BNIP2: variants seen among roughly 807,000 people sequenced by gnomAD.
BNIP2 encodes the protein BCL2/adenovirus E1B 19 kDa protein-interacting protein 2.
A neutral mutation model predicts 43.4 loss-of-function variants in BNIP2; 36 were observed. The ratio of observed to expected loss-of-function variants is 0.83; its 90% CI spans 0.64 to 1.10. BNIP2 has a LOEUF of 1.10. Ranked by LOEUF, BNIP2 falls within the 50% of genes least tolerant of loss-of-function variation. The pLI, the probability that BNIP2 is intolerant of heterozygous loss-of-function variation, is 0.00. For missense variants in BNIP2, 417 were observed against 374.1 expected (o/e 1.11, Z -0.95); for synonymous variants, 146 against 121.0 (o/e 1.21, Z -1.35).
intron 9 of BNIP2, 85 bp downstream of exon 9, chr15:59,668,807 T>G: frequency 8.5e-7 from 1 of 1,180,380 alleles, no homozygotes; most frequent in South Asian, 1.4e-5. Context: ...ATATAATACA[T>G]AAAGAATGAG....
Position 59,669,256 on chromosome 15 carries a change from C to T in BNIP2, c.794+20G>A. 1 of 1,488,698 alleles carries T rather than the reference C, an allele frequency of 6.7e-7. No homozygotes were observed. The highest frequency in any genetic ancestry group is 9.0e-7 in the Non-Finnish European group (1 of 1,105,348). 92.2% of individuals were successfully genotyped at this position (1,488,698 alleles called of 1,614,324 possible). On this transcript the variant is annotated intron_variant, in intron 8 of 9. Transcript: ENST00000607373. ...TAAATAAAAAAAATAAAATTAAAGT[C>T]AATGGCTCTCAAAAATTACCTAATA...
chr15:59,668,575 G>A (rs1892701445), intron 9 of BNIP2, among the ~76,000 whole-genome samples: 1 of 152,150 alleles, frequency 6.6e-6, no homozygotes, highest in African/African-American at 2.4e-5. Flanking sequence ...TTCAAGTTTG[G>A]AGAATGCTCT....
chr15:59,675,936 G>C (rs1482346085), intron 5 of BNIP2, among the ~76,000 whole-genome samples: 2 of 152,210 alleles, frequency 1.3e-5, no homozygotes, highest in Admixed American at 6.5e-5. Context: ...AGATATGACA[G>C]TGGCTACCGA....
rs1034903575 is a variant in BNIP2 at position 59,664,033 on chromosome 15, C to A, written c.*36G>T. ...TGCAGAAACAGCACTGCTCCATCAGCACATTCTTCAGTCTTGTTTGGACTA... is the reference window on the plus strand; with the variant it reads ...TGCAGAAACAGCACTGCTCCATCAGAACATTCTTCAGTCTTGTTTGGACTA... On this transcript the variant is annotated 3_prime_UTR_variant, in exon 10 of 10. Transcript: ENST00000607373. 1.3e-6 allele frequency: 2 copies of A among 1,487,394 alleles called. No homozygotes were observed. The highest frequency in any genetic ancestry group is 2.8e-5 in the African/African-American group (2 of 70,780). 92.1% of individuals were successfully genotyped at this position (1,487,394 alleles called of 1,614,324 possible). A position where few individuals can be genotyped will look rare whatever the true frequency, so the allele number is the denominator to read the frequency against.
chr15:59,680,376 T>G (rs6151507), intron 2 of BNIP2, 68 bp from the exon 3 acceptor site: 649 of 1,155,056 alleles, frequency 5.6e-4, no homozygotes, highest in Non-Finnish European at 6.8e-4. Flanking sequence ...GTTCAATCTA[T>G]TAAACATACA....
chr15:59,687,385 T>A (rs531861567), intron 1 of BNIP2, among the ~76,000 whole-genome samples: 1 of 147,756 alleles, frequency 6.8e-6, no homozygotes, highest in African/African-American at 2.5e-5. Context: ...GGAGTCTCAC[T>A]CTGTCGCCCA....
chr15:59,667,306 A>T (rs1283184223), intron 9 of BNIP2, among the ~76,000 whole-genome samples: 2 of 152,222 alleles, frequency 1.3e-5, no homozygotes, highest in Non-Finnish European at 2.9e-5. Flanking sequence ...ATTACATATA[A>T]ATCTCTCACC....
At chr15:59,677,170 T>A in intron 5 of BNIP2, 1 of 1,595,910 alleles carries the variant, frequency 6.3e-7, no homozygotes, top group Non-Finnish European at 8.6e-7. Flanking sequence ...TACCTCTGCA[T>A]CTTATTGAAG....
At chr15:59,669,227 T>G (rs1221472853) in intron 8 of BNIP2, 49 bp downstream of exon 8, 1 of 1,304,808 alleles carries the variant, frequency 7.7e-7, no homozygotes, top group East Asian at 2.6e-5. Context: ...TAACTAAAAA[T>G]AAATAAATAA....
At chr15:59,679,900 T>G in intron 3 of BNIP2, 132 bp from the exon 4 acceptor site, 2 of 836,560 alleles carry the variant, frequency 2.4e-6, no homozygotes, top group Admixed American at 7.2e-5. Context: ...AAAGCACCTA[T>G]TCACAAAATT....
At chr15:59,682,326 C>CAA (rs745470499) in intron 2 of BNIP2, 82 bp downstream of exon 2, 1,177 of 1,038,648 alleles carry the variant, frequency 1.1e-3, no homozygotes, top group Non-Finnish European at 1.3e-3. Context: ...GACTCCGTCT[C>CAA]AAAAAAAAAA....
chr15:59,670,872 G>A (rs1181001812), intron 7 of BNIP2, among the ~76,000 whole-genome samples: 2 of 152,064 alleles, frequency 1.3e-5, no homozygotes, highest in Admixed American at 6.5e-5. Context: ...TCAGGAGTTC[G>A]AGACCAGCCT....
chr15:59,664,709 TG>T (rs1343847902), intron 9 of BNIP2, among the ~76,000 whole-genome samples: 1 of 152,086 alleles, frequency 6.6e-6, no homozygotes, highest in Non-Finnish European at 1.5e-5. Flanking sequence ...TCAAATTACA[TG>T]GCATATTAAA....
chr15:59,663,879 A>T lies in BNIP2; in HGVS notation c.*190T>A, dbSNP rs903144436. ...ATACAGTTAGCTATTAAAGAGCTAA[A>T]TTCAAGAAATTTGCAAACCAGTACA... On this transcript the variant is annotated 3_prime_UTR_variant, in exon 10 of 10. Coordinates refer to ENST00000607373, the MANE Select transcript of BNIP2 (RefSeq NM_004330.4). 2.5e-6 allele frequency: 1 copy of T among 403,214 alleles called. No individual in the cohort carries two copies. Among genetic ancestry groups the T allele is most frequent in the African/African-American group, 2.1e-5 (1 of 48,488 alleles). The allele number at this position is 403,214 out of a possible 1,614,324, so 25.0% of individuals were successfully genotyped here.
At chr15:59,674,100 ACAAAAAC>A (rs1566965507) in intron 5 of BNIP2, among the ~76,000 whole-genome samples, 9 of 147,162 alleles carry the variant, frequency 6.1e-5, no homozygotes, top group Non-Finnish European at 9.0e-5. Flanking sequence ...CAAAAAAAAA[ACAAAAAC>A]AAAAACAAAA....
In BNIP2 at chr15:59,677,917, G is replaced by C. The variant is rs747849088; in HGVS notation, c.466C>G (p.His156Asp). The stretch of plus-strand genomic sequence containing the variant: ...AATCCTCAGTAACTCTTACCCCCAT[G>C]GCTGATAACTTTTTTATAGGGTTCA... Reference protein sequence around the residue: ...AIEPYKKVISHGGYYGDGLNA... With the variant: ...AIEPYKKVISDGGYYGDGLNA... The change falls in exon 5 of 10, where the codon CAT (histidine) becomes GAT (aspartate). Residue 156 changes from histidine to aspartate, a missense_variant. Coordinates refer to ENST00000607373, the MANE Select transcript of BNIP2 (RefSeq NM_004330.4). 4 of 1,604,960 alleles carry C rather than the reference G, an allele frequency of 2.5e-6. No individual in the cohort carries two copies. The highest frequency in any genetic ancestry group is 3.4e-6 in the Non-Finnish European group (4 of 1,177,272).
At chr15:59,673,562 G>A (rs1469901711) in intron 5 of BNIP2, among the ~76,000 whole-genome samples, 2 of 152,014 alleles carry the variant, frequency 1.3e-5, no homozygotes, top group African/African-American at 2.4e-5. Flanking sequence ...GAGGAGCTGG[G>A]GATACAGCGC....
Position 59,677,089 on chromosome 15 carries a change from C to A in BNIP2, c.472+822G>T, listed in dbSNP as rs1238317283. ...TATGCTTCAGGCTAAGAAAGCACTA[C>A]CTTCATAGAAATGGGCAAGGTCAAG... On this transcript the variant is annotated intron_variant, in intron 5 of 9. Coordinates refer to ENST00000607373, the MANE Select transcript of BNIP2 (RefSeq NM_004330.4). 3 of 1,609,782 alleles carry A rather than the reference C, an allele frequency of 1.9e-6. No homozygotes were observed. The African/African-American group carries it at 4.0e-5, about 22-fold the overall frequency.
chr15:59,664,159 C>G lies in BNIP2; in HGVS notation c.894-39G>C, dbSNP rs1278753859. On this transcript the variant is annotated intron_variant, in intron 9 of 9. Coordinates refer to ENST00000607373, the MANE Select transcript of BNIP2 (RefSeq NM_004330.4). The stretch of plus-strand genomic sequence containing the variant: ...AATATATAAAATAAGAAACCAGCAA[C>G]TGAACAATTTTCTTTCTAAAAATAA... The G allele has an allele frequency of 3.0e-6, 4 of 1,324,486 alleles. No individual in the cohort carries two copies. The East Asian group carries it at 7.7e-5, about 25-fold the overall frequency. The allele number at this position is 1,324,486 out of a possible 1,614,324, so 82.0% of individuals were successfully genotyped here. A position where few individuals can be genotyped will look rare whatever the true frequency, so the allele number is the denominator to read the frequency against.
Sources: gnomAD v4.1 joint callset for allele counts (sites outside exome capture counted in the v4.1 genomes callset) on GRCh38, gnomAD v4.1.1 for gene constraint, MANE v1.5 for transcripts, NCBI Gene and HGNC (gene_info 2026-07-23, HGNC 2026-07-21) for gene names.